CCSER2: variants seen among roughly 807,000 people sequenced by gnomAD.
CCSER2 encodes the protein coiled-coil serine rich protein 2.
In CCSER2, 46 loss-of-function variants were observed where a neutral mutation model predicts 92.3. The observed-to-expected ratio is 0.50, with a 90% confidence interval of 0.39 to 0.64. The LOEUF (loss-of-function observed/expected upper bound fraction) is 0.64. Among genes scored for constraint, CCSER2 ranks in the 30% least tolerant of loss-of-function variants. The pLI, the probability that CCSER2 is intolerant of heterozygous loss-of-function variation, is 0.00. For missense variants in CCSER2, 1,244 were observed against 1,238.9 expected (o/e 1.00, Z -0.06); for synonymous variants, 433 against 431.4 (o/e 1.00, Z -0.04).
chr10:84,376,685 T>C (rs1322825849), intron 3 of CCSER2, among the ~76,000 whole-genome samples: 1 of 152,128 alleles, frequency 6.6e-6, no homozygotes, highest in Non-Finnish European at 1.5e-5. Context: ...GGTGAACACT[T>C]ATTCATTTTT....
At chr10:84,357,346 C>T (rs1201717366) in intron 1 of CCSER2, among the ~76,000 whole-genome samples, 1 of 152,220 alleles carries the variant, frequency 6.6e-6, no homozygotes, top group African/African-American at 2.4e-5. Context: ...ACTACACCGT[C>T]CATAGAAACC....
chr10:84,416,049 C>T lies in CCSER2; in HGVS notation c.1615-1722C>T, dbSNP rs75654410. Among the ~76,000 whole-genome samples the T allele has an allele frequency of 1.0e-3, 158 of 152,260 alleles. 1 individual carries two copies. The highest frequency in any genetic ancestry group is 8.9e-3 in the East Asian group (46 of 5,174). ...TGCCCAAGCTGCTGCTCTACCTGGA[C>T]GCCACACAGCTCTGTGTATTGGTGA... On this transcript the variant is annotated intron_variant, in intron 3 of 9. Transcript: ENST00000372088.
intron 1 of CCSER2, among the ~76,000 whole-genome samples, chr10:84,340,266 A>G (rs1009117844): frequency 6.6e-6 from 1 of 152,114 alleles, no homozygotes; most frequent in Non-Finnish European, 1.5e-5. Context: ...GTTCCTGTTA[A>G]CATTATGAGG....
At position 84,444,157 on chromosome 10, in the gene CCSER2, T is replaced by A. The variant is rs551469891; in HGVS notation, c.2064+5450T>A. Among the ~76,000 whole-genome samples the A allele has an allele frequency of 1.1e-4, 16 of 151,342 alleles. No individual in the cohort carries two copies. In the South Asian group the frequency reaches 3.3e-3, roughly 32 times the overall value. ...AAGTATAATAATAATAAAAAAAAAATGTAGGATGCTAGAGAAGAGGCAGAA... is the reference window on the plus strand; with the variant it reads ...AAGTATAATAATAATAAAAAAAAAAAGTAGGATGCTAGAGAAGAGGCAGAA... On this transcript the variant is annotated intron_variant, in intron 6 of 9. Transcript: ENST00000372088.
chr10:84,331,711 G>A (rs1843570794), intron 1 of CCSER2, among the ~76,000 whole-genome samples: 1 of 152,058 alleles, frequency 6.6e-6, no homozygotes, highest in African/African-American at 2.4e-5. Context: ...ATTCCAAAAG[G>A]CTTTTTATCT....
At chr10:84,481,916 T>C (rs1847481550) in intron 9 of CCSER2, among the ~76,000 whole-genome samples, 1 of 152,180 alleles carries the variant, frequency 6.6e-6, no homozygotes, top group Non-Finnish European at 1.5e-5. Context: ...TAGTAGCCTG[T>C]AGCTACATGT....
chr10:84,450,253 GT>G (rs1170194678), intron 6 of CCSER2, among the ~76,000 whole-genome samples: 1 of 152,186 alleles, frequency 6.6e-6, no homozygotes, highest in Admixed American at 6.5e-5. Context: ...AAACCGGTTA[GT>G]GGGTCTTAAA....
At chr10:84,332,410 TTTTATATA>T (rs1225451234) in intron 1 of CCSER2, among the ~76,000 whole-genome samples, 40 of 109,842 alleles carry the variant, frequency 3.6e-4, no homozygotes, top group African/African-American at 1.8e-3. Context: ...AAATTTATTT[TTTTATATA>T]TATATATATA....
At chr10:84,470,306 CATT>C in intron 7 of CCSER2, 63 bp from the exon 8 acceptor site, 1 of 914,734 alleles carries the variant, frequency 1.1e-6, no homozygotes, top group Non-Finnish European at 1.5e-6. Flanking sequence ...GTGTCTTCAT[CATT>C]GATTTCATGC....
At chr10:84,481,358 T>A (rs1367581174) in intron 9 of CCSER2, among the ~76,000 whole-genome samples, 1 of 151,930 alleles carries the variant, frequency 6.6e-6, no homozygotes, top group Non-Finnish European at 1.5e-5. Context: ...TCAGCTTTTG[T>A]GTATATCAAT....
At chr10:84,366,283 CCAGT>C (rs1845772685) in intron 1 of CCSER2, among the ~76,000 whole-genome samples, 1 of 152,062 alleles carries the variant, frequency 6.6e-6, no homozygotes, top group Non-Finnish European at 1.5e-5. Context: ...GGAGCTATTA[CCAGT>C]CAATCACAGG....
chr10:84,452,685 C>CA (rs1286360767), intron 6 of CCSER2, among the ~76,000 whole-genome samples: 5 of 152,212 alleles, frequency 3.3e-5, no homozygotes, highest in Admixed American at 6.5e-5. Context: ...TATGTTTATG[C>CA]AAAACACTTG....
chr10:84,450,838 G>A (rs147743923), intron 6 of CCSER2, among the ~76,000 whole-genome samples: 104 of 152,248 alleles, frequency 6.8e-4, no homozygotes, highest in South Asian at 3.1e-3. Flanking sequence ...TGAGAATGAT[G>A]TGTTGCAAAG....
At chr10:84,458,363 C>G (rs557039951) in intron 6 of CCSER2, among the ~76,000 whole-genome samples, 1 of 152,198 alleles carries the variant, frequency 6.6e-6, no homozygotes, top group African/African-American at 2.4e-5. Flanking sequence ...ATGTGTGGGT[C>G]TGTTTCTGGA....
At chr10:84,491,127 G>C (rs537749381) in intron 9 of CCSER2, among the ~76,000 whole-genome samples, 1 of 152,200 alleles carries the variant, frequency 6.6e-6, no homozygotes, top group Admixed American at 6.5e-5. Context: ...GTACCCAGCC[G>C]TGTGAGTTTT....
intron 1 of CCSER2, among the ~76,000 whole-genome samples, chr10:84,348,397 T>C (rs1305823249): frequency 6.6e-6 from 1 of 151,616 alleles, no homozygotes; most frequent in East Asian, 1.9e-4. Context: ...GCAGAGATGG[T>C]GGCAGCACAG....
chr10:84,331,311 C>G (rs1477207968), intron 1 of CCSER2, among the ~76,000 whole-genome samples: 5 of 152,156 alleles, frequency 3.3e-5, no homozygotes, highest in Non-Finnish European at 7.3e-5. Context: ...TCTTTGAATA[C>G]ATGGCTGCCA....
chr10:84,345,011 T>C (rs570058781), intron 1 of CCSER2, among the ~76,000 whole-genome samples: 1 of 152,242 alleles, frequency 6.6e-6, no homozygotes, highest in Non-Finnish European at 1.5e-5. Flanking sequence ...AAATATCAGC[T>C]GCTGTTTTTA....
At chr10:84,435,763 C>CAAACAAAGTAT (rs1844079106) in intron 5 of CCSER2, among the ~76,000 whole-genome samples, 2 of 151,908 alleles carry the variant, frequency 1.3e-5, no homozygotes, top group Admixed American at 1.3e-4. Context: ...GCCTGAATTG[C>CAAACAAAGTAT]AAACAAAGTA....
Sources: allele counts gnomAD v4.1 joint callset (sites outside exome capture counted in the v4.1 genomes callset), GRCh38; gene constraint gnomAD v4.1.1; transcripts MANE v1.5; gene names NCBI Gene and HGNC (gene_info 2026-07-23, HGNC 2026-07-21).